The following ANKS1B variants were observed in gnomAD, a reference collection of about 807,000 sequenced individuals.
ANKS1B encodes the protein ankyrin repeat and sterile alpha motif domain-containing protein 1B.
A neutral mutation model predicts 148.3 loss-of-function variants in ANKS1B; 36 were observed. The observed-to-expected ratio is 0.24, with a 90% confidence interval of 0.19 to 0.32. The LOEUF is 0.32. ANKS1B is among the 10% of genes least tolerant of loss of function. ANKS1B has a pLI of 1.00. For synonymous variants in ANKS1B, 542 were observed against 560.8 expected (o/e 0.97, Z 0.47); for missense variants, 1,157 against 1,542.6 (o/e 0.75, Z 4.19).
At chr12:99,571,675 T>C (rs961308627) in intron 9 of ANKS1B, among the ~76,000 whole-genome samples, 3 of 152,110 alleles carry the variant, frequency 2.0e-5, no homozygotes, top group African/African-American at 7.2e-5. Flanking sequence ...ATTCAGAAAA[T>C]GATTCTTCTT....
chr12:98,873,642 AGGAATCAAAGG>A (rs2099678685), intron 17 of ANKS1B, among the ~76,000 whole-genome samples: 1 of 152,184 alleles, frequency 6.6e-6, no homozygotes, highest in Admixed American at 6.5e-5. Context: ...ACCTGAGAGG[AGGAATCAAAGG>A]GGCAACTGCT....
intron 9 of ANKS1B, among the ~76,000 whole-genome samples, chr12:99,644,992 A>G (rs1378316664): frequency 1.3e-5 from 2 of 152,278 alleles, no homozygotes; most frequent in Middle Eastern, 3.4e-3. Flanking sequence ...CGGACCCCCA[A>G]CGTAATCCAG....
rs528471986 is a variant in ANKS1B, at chr12:99,620,689, C to T, written c.1272+34378G>A. Among the ~76,000 whole-genome samples, 3 of 151,842 alleles carry T rather than the reference C, an allele frequency of 2.0e-5. No homozygotes were observed. In the South Asian group the frequency reaches 6.2e-4, roughly 32 times the overall value. ...CTGAAGACTGGTCTTTTGCACTAAC[C>T]CAGTTAGACAAAAACAAAGAAAAGA... is the stretch of plus-strand genomic sequence containing the variant. On this transcript the variant is annotated intron_variant, in intron 9 of 26. Transcript: ENST00000683438.
At chr12:99,673,947 A>G (rs563244644) in intron 8 of ANKS1B, among the ~76,000 whole-genome samples, 2 of 151,896 alleles carry the variant, frequency 1.3e-5, no homozygotes, top group African/African-American at 4.8e-5. Flanking sequence ...TAATATAAAA[A>G]TCAACAGTCT....
intron 9 of ANKS1B, among the ~76,000 whole-genome samples, chr12:99,535,528 T>G (rs1015339497): frequency 2.0e-5 from 3 of 152,216 alleles, no homozygotes; most frequent in Admixed American, 1.3e-4. Flanking sequence ...TAAATAAATT[T>G]TATTCAAATC....
At chr12:99,767,096 T>TA (rs1030580854) in intron 8 of ANKS1B, among the ~76,000 whole-genome samples, 19 of 151,872 alleles carry the variant, frequency 1.3e-4, no homozygotes, top group Admixed American at 4.6e-4. Context: ...AGCTTGGCAT[T>TA]AAAAAAAACT....
intron 12 of ANKS1B, among the ~76,000 whole-genome samples, chr12:99,280,166 G>T (rs980753090): frequency 2.7e-5 from 4 of 149,274 alleles, no homozygotes; most frequent in Admixed American, 2.0e-4. Context: ...CTGTGTGTGT[G>T]TGTGTATGTG....
chr12:99,198,496 T>C (rs1287873994), intron 14 of ANKS1B, among the ~76,000 whole-genome samples: 1 of 152,210 alleles, frequency 6.6e-6, no homozygotes, highest in East Asian at 1.9e-4. Flanking sequence ...AATTGTCAAA[T>C]AACTTGAGGA....
intron 15 of ANKS1B, among the ~76,000 whole-genome samples, chr12:99,117,792 A>G (rs1692025978): frequency 2.0e-5 from 3 of 152,172 alleles, no homozygotes; most frequent in Admixed American, 2.0e-4. Flanking sequence ...CTCTTTGCAC[A>G]TCTGGTAGAA....
chr12:99,122,925 A>G (rs2063260753), intron 15 of ANKS1B, among the ~76,000 whole-genome samples: 1 of 151,130 alleles, frequency 6.6e-6, no homozygotes, highest in Admixed American at 6.6e-5. Flanking sequence ...ATTTAAAAAT[A>G]TTTATTGAAT....
chr12:99,470,420 T>C (rs185864243), intron 10 of ANKS1B, among the ~76,000 whole-genome samples: 9 of 152,232 alleles, frequency 5.9e-5, no homozygotes, highest in Middle Eastern at 3.4e-3. Flanking sequence ...TGATTTGTTA[T>C]GGAGTTTAGT....
At chr12:99,852,994 A>T (rs1030962985) in intron 1 of ANKS1B, among the ~76,000 whole-genome samples, 3 of 152,108 alleles carry the variant, frequency 2.0e-5, no homozygotes, top group African/African-American at 7.2e-5. Context: ...AGGCAGCCAT[A>T]ATCCCCCTGG....
intron 8 of ANKS1B, among the ~76,000 whole-genome samples, chr12:99,657,897 CAAAA>C (rs58151526): frequency 0.29 from 21,846 of 74,744 alleles, 1,971 homozygotes; most frequent in Non-Finnish European, 0.32. Flanking sequence ...TCTCCTCCCT[CAAAA>C]AAAAAAAAAA....
chr12:99,316,773 G>A (rs1285575646), intron 12 of ANKS1B, among the ~76,000 whole-genome samples: 1 of 152,106 alleles, frequency 6.6e-6, no homozygotes, highest in Non-Finnish European at 1.5e-5. Flanking sequence ...GTATTGCCTA[G>A]GTTTTCTTTA....
At chr12:99,627,748 T>C (rs2098123767) in intron 9 of ANKS1B, among the ~76,000 whole-genome samples, 3 of 152,118 alleles carry the variant, frequency 2.0e-5, no homozygotes, top group African/African-American at 7.2e-5. Context: ...AAAACATGTA[T>C]ATAAACAGCT....
chr12:99,906,171 C>T (rs1308280755), intron 1 of ANKS1B, among the ~76,000 whole-genome samples: 5 of 152,148 alleles, frequency 3.3e-5, no homozygotes, highest in Non-Finnish European at 7.3e-5. Flanking sequence ...TGTTTGCAGC[C>T]TGGAACAAAG....
chr12:99,800,250 C>T (rs1020911004), intron 4 of ANKS1B, among the ~76,000 whole-genome samples: 2 of 151,650 alleles, frequency 1.3e-5, no homozygotes, highest in Non-Finnish European at 1.5e-5. Flanking sequence ...GAAGAAAGGC[C>T]GTGTGAGGAT....
intron 1 of ANKS1B, among the ~76,000 whole-genome samples, chr12:99,952,322 T>TTGC (rs941649824): frequency 1.7e-4 from 26 of 152,310 alleles, no homozygotes; most frequent in African/African-American, 6.0e-4. Context: ...TTTTTCTTTG[T>TTGC]TGCTGCTGCT....
chr12:99,787,932 C>T (rs1383995985), intron 4 of ANKS1B, among the ~76,000 whole-genome samples: 1 of 152,190 alleles, frequency 6.6e-6, no homozygotes, highest in African/African-American at 2.4e-5. Flanking sequence ...GGGACATTTG[C>T]ACCAGCCCAG....
Sources: gnomAD v4.1 joint callset for allele counts (sites outside exome capture counted in the v4.1 genomes callset) on GRCh38, gnomAD v4.1.1 for gene constraint, MANE v1.5 for transcripts, NCBI Gene and HGNC (gene_info 2026-07-23, HGNC 2026-07-21) for gene names.